SCN11A: variants seen among roughly 807,000 people sequenced by gnomAD.
SCN11A encodes sodium channel protein type 11 subunit alpha.
Under a neutral mutation model 162.2 loss-of-function variants are expected in SCN11A, and 122 were observed. That is an observed-to-expected ratio of 0.75 (90% CI 0.65 to 0.87). SCN11A has a LOEUF of 0.87. SCN11A is among the 40% of genes least tolerant of loss of function. The probability of loss-of-function intolerance (pLI) is 0.00; values close to 1 mark genes in which losing one functional copy is unlikely to be tolerated. For synonymous variants in SCN11A, 758 were observed against 751.5 expected (o/e 1.01, Z -0.14); for missense variants, 2,015 against 2,181.6 (o/e 0.92, Z 1.52).
chr3:39,017,392 A>G (rs2031322265), intron 2 of SCN11A, among the ~76,000 whole-genome samples: 2 of 152,254 alleles, frequency 1.3e-5, no homozygotes, highest in African/African-American at 4.8e-5. Context: ...ATTGTTTCGA[A>G]CAAGAAATCT....
chr3:39,017,720 T>G (rs1418911881), intron 2 of SCN11A, among the ~76,000 whole-genome samples: 2 of 152,214 alleles, frequency 1.3e-5, no homozygotes, highest in African/African-American at 4.8e-5. Flanking sequence ...TGTCTTTTTT[T>G]TTACATCTTT....
rs1238373312 is a variant in SCN11A, at chr3:38,871,433, G to A, written c.3759+12C>T. On this transcript the variant is annotated intron_variant, in intron 25 of 29. Transcript: ENST00000302328. ...TTCTCCTCAGAGTGAAAAACATACT[G>A]ACTGTACTTACCACTTGCAGCAGAG... The A allele has an allele frequency of 1.9e-6, 3 of 1,584,094 alleles. No homozygotes were observed. Among genetic ancestry groups the A allele is most frequent in the Non-Finnish European group, 2.6e-6 (3 of 1,167,932 alleles).
intron 7 of SCN11A, among the ~76,000 whole-genome samples, chr3:38,927,386 A>C (rs986865458): frequency 1.3e-5 from 2 of 152,226 alleles, no homozygotes; most frequent in African/African-American, 4.8e-5. Flanking sequence ...CGTACTACCC[A>C]GGGTGATCTA....
At chr3:38,934,522 G>T (rs1275276352) in intron 7 of SCN11A, among the ~76,000 whole-genome samples, 5 of 152,108 alleles carry the variant, frequency 3.3e-5, no homozygotes, top group Admixed American at 1.3e-4. Context: ...AAAATAAAAG[G>T]ATGGAGGAAG....
Position 38,874,003 on chromosome 3 carries a change from G to A in SCN11A, c.3394-1709C>T, listed in dbSNP as rs978928261. On this transcript the variant is annotated intron_variant, in intron 23 of 29. Coordinates refer to ENST00000302328, the MANE Select transcript of SCN11A (RefSeq NM_001349253.2). Reference sequence around the variant, plus strand: ...TTCCTATTATGCAAAACAGTACACTGGACAGTATTATGCACAACAGTACAC... The same window carrying A: ...TTCCTATTATGCAAAACAGTACACTAGACAGTATTATGCACAACAGTACAC... Among the ~76,000 whole-genome samples the A allele has an allele frequency of 3.3e-5, 5 of 152,060 alleles. No homozygotes were observed. In the South Asian group the frequency reaches 8.3e-4, roughly 25 times the overall value.
chr3:39,009,300 G>A (rs1364866491), intron 2 of SCN11A, among the ~76,000 whole-genome samples: 1 of 151,892 alleles, frequency 6.6e-6, no homozygotes, highest in East Asian at 1.9e-4. Context: ...TTATTGGTAA[G>A]TTTTAATTTC....
chr3:38,900,164 A>G (rs2065676262), intron 16 of SCN11A, 91 bp from the exon 17 acceptor site: 8 of 942,442 alleles, frequency 8.5e-6, no homozygotes. Context: ...TTACAATGAA[A>G]TGAAAAGTAT....
intron 7 of SCN11A, among the ~76,000 whole-genome samples, chr3:38,940,790 A>T (rs2066431396): frequency 6.6e-6 from 1 of 152,190 alleles, no homozygotes; most frequent in African/African-American, 2.4e-5. Flanking sequence ...ATCCACGGGC[A>T]TAGAGGAAAG....
intron 1 of SCN11A, among the ~76,000 whole-genome samples, chr3:39,033,277 C>A (rs1222025504): frequency 2.0e-5 from 3 of 152,148 alleles, no homozygotes; most frequent in East Asian, 1.9e-4. Context: ...GAAGCAGAAG[C>A]CTTCTAAAAC....
At chr3:38,901,511 T>G (rs2065698461) in intron 16 of SCN11A, among the ~76,000 whole-genome samples, 2 of 152,250 alleles carry the variant, frequency 1.3e-5, no homozygotes. Flanking sequence ...ACCATTGTTT[T>G]GTCAATTCAA....
At chr3:38,899,852 TAGGCAG>T in intron 17 of SCN11A, 36 bp downstream of exon 17, 2 of 1,548,450 alleles carry the variant, frequency 1.3e-6, no homozygotes, top group South Asian at 1.2e-5. Flanking sequence ...TTTTTCCACT[TAGGCAG>T]CTACGTTTAT....
chr3:38,945,423 G>A lies in SCN11A; in HGVS notation c.476C>T (p.Thr159Ile). 6.2e-7 allele frequency: 1 copy of A among 1,609,334 alleles called. No individual in the cohort carries two copies. Among genetic ancestry groups the A allele is most frequent in the South Asian group, 1.1e-5 (1 of 90,662 alleles). Residue 159 changes from threonine (T) to isoleucine (I), a missense_variant, in exon 7 of 30, where the codon ACT (threonine) becomes ATT (isoleucine). Transcript: ENST00000302328. ...GPAKNSNSNN[T>I]DIAECVFTGI... ...GAAAAATACTTACTCTGCAATGTCAGTATTGTTACTGTTGCTGTTTTTAGC... is the reference window on the plus strand; with the variant it reads ...GAAAAATACTTACTCTGCAATGTCAATATTGTTACTGTTGCTGTTTTTAGC...
chr3:38,863,184 A>G lies in SCN11A; in HGVS notation c.4056+11T>C, dbSNP rs372381799. On this transcript the variant is annotated intron_variant, in intron 28 of 29. Transcript: ENST00000302328. ...TGTTCTACATATTTACAGTCATTCA[A>G]TTGCTCTCACCAGAGGCCGTGGAAT... 3.8e-5 allele frequency: 55 copies of G among 1,443,492 alleles called. 1 individual carries two copies. The highest frequency in any genetic ancestry group is 3.6e-4 in the South Asian group (31 of 87,306). The allele number at this position is 1,443,492 out of a possible 1,614,324, so 89.4% of individuals were successfully genotyped here. A position where few individuals can be genotyped will look rare whatever the true frequency, so the allele number is the denominator to read the frequency against.
intron 1 of SCN11A, among the ~76,000 whole-genome samples, chr3:39,051,577 T>C (rs1354933584): frequency 6.6e-6 from 1 of 152,220 alleles, no homozygotes; most frequent in African/African-American, 2.4e-5. Flanking sequence ...GGCCACGACA[T>C]AATTCTCCGC....
At chr3:39,031,924 C>A (rs1371085218) in intron 2 of SCN11A, among the ~76,000 whole-genome samples, 1 of 152,068 alleles carries the variant, frequency 6.6e-6, no homozygotes, top group Non-Finnish European at 1.5e-5. Flanking sequence ...CCTGCTTTAA[C>A]CAACTGATAG....
intron 27 of SCN11A, among the ~76,000 whole-genome samples, chr3:38,867,095 G>T (rs1448623462): frequency 6.6e-6 from 1 of 152,144 alleles, no homozygotes; most frequent in African/African-American, 2.4e-5. Context: ...GATTAAGAAG[G>T]TAAAAGAGAA....
At chr3:39,016,113 A>C (rs1459670752) in intron 2 of SCN11A, among the ~76,000 whole-genome samples, 1 of 152,236 alleles carries the variant, frequency 6.6e-6, no homozygotes, top group African/African-American at 2.4e-5. Flanking sequence ...GAGCTATGTA[A>C]GAATGTGGGT....
rs750605386 is a variant in SCN11A, at chr3:38,871,428, A to C, written c.3759+17T>G. 1.3e-6 allele frequency: 2 copies of C among 1,565,152 alleles called. No individual in the cohort carries two copies. The highest frequency in any genetic ancestry group is 2.7e-5 in the African/African-American group (2 of 72,786). Reference sequence around the variant, plus strand: ...GGTTTTTCTCCTCAGAGTGAAAAACATACTGACTGTACTTACCACTTGCAG... The same window carrying C: ...GGTTTTTCTCCTCAGAGTGAAAAACCTACTGACTGTACTTACCACTTGCAG... On this transcript the variant is annotated intron_variant, in intron 25 of 29. Coordinates refer to ENST00000302328, the MANE Select transcript of SCN11A (RefSeq NM_001349253.2).
At position 38,938,509 on chromosome 3, in the gene SCN11A, CATATATATATATATAT is replaced by C. The variant is rs1166609754; in HGVS notation, c.488+6886_488+6901del. Among the ~76,000 whole-genome samples the C allele has an allele frequency of 1.0e-3, 36 of 35,524 alleles. 1 individual carries two copies. The highest frequency in any genetic ancestry group is 2.1e-3 in the African/African-American group (23 of 11,030). The allele number at this position is 35,524 out of a possible 152,430, so 23.3% of individuals were successfully genotyped here. A position where few individuals can be genotyped will look rare whatever the true frequency, so the allele number is the denominator to read the frequency against. ...TAAAAGAAGGCAGAAGGAAAAATATCATATATATATATATATATATATATATATATATATATATATA... is the reference window on the plus strand; with the variant it reads ...TAAAAGAAGGCAGAAGGAAAAATATCATATATATATATATATATATATATA... On this transcript the variant is annotated intron_variant, in intron 7 of 29. Transcript: ENST00000302328.
Sources: allele counts gnomAD v4.1 joint callset (sites outside exome capture counted in the v4.1 genomes callset), GRCh38; gene constraint gnomAD v4.1.1; transcripts MANE v1.5; gene names NCBI Gene and HGNC (gene_info 2026-07-23, HGNC 2026-07-21).